Variants in TEX9 observed in about 807,000 individuals in gnomAD.
The protein encoded by TEX9 is testis expressed 9.
TEX9 carries 74 observed loss-of-function variants against 59.6 expected under a neutral mutation model. That is an observed-to-expected ratio of 1.24 (90% CI 1.03 to 1.51). The LOEUF (loss-of-function observed/expected upper bound fraction) is 1.51, where lower values mean the gene tolerates loss of function less well. Among genes scored for constraint, TEX9 ranks in the 40% most tolerant of loss-of-function variants. The pLI is 0.00. For synonymous variants in TEX9, 186 were observed against 152.2 expected (o/e 1.22, Z -1.64); for missense variants, 522 against 447.8 (o/e 1.17, Z -1.49).
intron 9 of TEX9, among the ~76,000 whole-genome samples, chr15:56,409,353 T>C (rs2049235969): frequency 6.6e-6 from 1 of 152,320 alleles, no homozygotes; most frequent in Non-Finnish European, 1.5e-5. Context: ...ACTTCTCTTA[T>C]CAAAACCTAA....
chr15:56,416,930 C>A (rs2049716647), intron 10 of TEX9, among the ~76,000 whole-genome samples: 1 of 151,608 alleles, frequency 6.6e-6, no homozygotes, highest in Non-Finnish European at 1.5e-5. Context: ...CTGGTTCAGT[C>A]CTGGGAGGGT....
chr15:56,431,132 C>T (rs376435802), intron 12 of TEX9, among the ~76,000 whole-genome samples: 24 of 152,044 alleles, frequency 1.6e-4, no homozygotes, highest in Admixed American at 1.2e-3. Context: ...CCAGCCTGGG[C>T]GATAAATAAG....
intron 1 of TEX9, among the ~76,000 whole-genome samples, chr15:56,308,319 C>A (rs1271195150): frequency 6.6e-6 from 1 of 152,152 alleles, no homozygotes; most frequent in Non-Finnish European, 1.5e-5. Context: ...TTGCTGATGA[C>A]TAATGGTGTT....
At chr15:56,455,707 G>C in the TEX9 span, among the ~76,000 whole-genome samples, 1 of 152,152 alleles carries the variant, frequency 6.6e-6, no homozygotes, top group Admixed American at 6.5e-5. Context: ...GTCATCTGGA[G>C]TATCTGGCAG....
chr15:56,308,259 G>A (rs1363191181), intron 1 of TEX9, among the ~76,000 whole-genome samples: 3 of 152,060 alleles, frequency 2.0e-5, no homozygotes, highest in Non-Finnish European at 4.4e-5. Flanking sequence ...TTTTATTATA[G>A]CCAATCCTAC....
At chr15:56,294,106 G>A (rs1185950101) in intron 1 of TEX9, among the ~76,000 whole-genome samples, 7 of 152,224 alleles carry the variant, frequency 4.6e-5, no homozygotes, top group African/African-American at 1.7e-4. Context: ...TACTACCCCT[G>A]GTGCCATGAC....
rs116199867 is a variant in TEX9 at position 56,337,529 on chromosome 15, A to T, written c.-106-35912A>T. ...CTGTAACCTTTGTTTCTGTGGTTAA[A>T]TATTAGCCTTTTTCATTGCCATATT... On this transcript the variant is annotated intron_variant, in intron 1 of 5. Coordinates refer to the TEX9 transcript ENST00000560827. 4.5e-3 allele frequency among the ~76,000 whole-genome samples: 686 copies of T among 152,300 alleles called. 8 individuals carry two copies. Among genetic ancestry groups the T allele is most frequent in the African/African-American group, 0.016 (654 of 41,562 alleles).
chr15:56,425,842 C>T (rs1384533367), intron 10 of TEX9, among the ~76,000 whole-genome samples: 7 of 152,100 alleles, frequency 4.6e-5, no homozygotes, highest in African/African-American at 1.7e-4. Flanking sequence ...CCCAGTCTTG[C>T]AGACTGGCTG....
intron 1 of TEX9, among the ~76,000 whole-genome samples, chr15:56,260,932 T>C (rs1396424443): frequency 1.3e-5 from 2 of 151,980 alleles, no homozygotes; most frequent in South Asian, 4.1e-4. Flanking sequence ...ATGATTTTTA[T>C]TTCTTTTAAT....
chr15:56,301,016 C>A (rs765584353), intron 1 of TEX9, among the ~76,000 whole-genome samples: 1 of 152,158 alleles, frequency 6.6e-6, no homozygotes, highest in African/African-American at 2.4e-5. Flanking sequence ...ATAAATAAGG[C>A]ACTTGGTTGA....
intron 12 of TEX9, chr15:56,443,333 C>T (rs377696585): frequency 2.3e-5 from 19 of 839,302 alleles, no homozygotes; most frequent in East Asian, 2.2e-4. Flanking sequence ...ATGTAATTAC[C>T]AGTATGGTTG....
At chr15:56,346,602 A>G (rs2141855103) in intron 1 of TEX9, among the ~76,000 whole-genome samples, 1 of 152,296 alleles carries the variant, frequency 6.6e-6, no homozygotes, top group Non-Finnish European at 1.5e-5. Context: ...AATCATCTTG[A>G]TTGATAACAC....
chr15:56,403,577 A>G (rs182077012), intron 9 of TEX9, among the ~76,000 whole-genome samples: 248 of 152,380 alleles, frequency 1.6e-3, no homozygotes, highest in African/African-American at 5.7e-3. Context: ...TATAGATTCA[A>G]TGCCATCCCC....
At chr15:56,320,973 T>G (rs372000163) in intron 1 of TEX9, among the ~76,000 whole-genome samples, 242 of 152,282 alleles carry the variant, frequency 1.6e-3, no homozygotes, top group African/African-American at 5.7e-3. Context: ...TTGTGAATCA[T>G]CAAAGTTTGT....
At chr15:56,409,935 G>T (rs1433318751) in intron 9 of TEX9, 1 of 152,092 alleles carries the variant, frequency 6.6e-6, no homozygotes, top group Non-Finnish European at 1.5e-5. Flanking sequence ...AACACTGCCA[G>T]ATATTACATA....
At chr15:56,309,038 T>C (rs2045544890) in intron 1 of TEX9, among the ~76,000 whole-genome samples, 1 of 152,198 alleles carries the variant, frequency 6.6e-6, no homozygotes, top group Non-Finnish European at 1.5e-5. Flanking sequence ...ATTCCTTGTA[T>C]TGCTATATGA....
intron 1 of TEX9, among the ~76,000 whole-genome samples, chr15:56,255,959 G>T (rs1241114386): frequency 6.6e-6 from 1 of 151,670 alleles, no homozygotes; most frequent in Non-Finnish European, 1.5e-5. Flanking sequence ...AAAACACAAA[G>T]AAAATGTTAA....
intron 3 of TEX9, among the ~76,000 whole-genome samples, chr15:56,383,396 T>C (rs2047822006): frequency 6.6e-6 from 1 of 152,228 alleles, no homozygotes; most frequent in African/African-American, 2.4e-5. Flanking sequence ...TGATGATGTT[T>C]TTGTGTGCAG....
At chr15:56,292,789 T>C (rs1015654580) in intron 1 of TEX9, among the ~76,000 whole-genome samples, 1 of 152,204 alleles carries the variant, frequency 6.6e-6, no homozygotes, top group Admixed American at 6.5e-5. Context: ...AATAGCTGAC[T>C]GATATGGCGG....
Sources: gnomAD v4.1 joint callset for allele counts (sites outside exome capture counted in the v4.1 genomes callset) on GRCh38, gnomAD v4.1.1 for gene constraint, MANE v1.5 for transcripts, NCBI Gene and HGNC (gene_info 2026-07-23, HGNC 2026-07-21) for gene names.